NBAS: variants seen among roughly 807,000 people sequenced by gnomAD.
The protein encoded by NBAS is NBAS subunit of NRZ tethering complex.
In NBAS, 219 loss-of-function variants were observed where a neutral mutation model predicts 302.5. The ratio of observed to expected loss-of-function variants is 0.72; its 90% CI spans 0.65 to 0.81. The LOEUF is 0.81. Ranked by LOEUF, NBAS falls within the 30% of genes least tolerant of loss-of-function variation. The pLI, the probability that NBAS is intolerant of heterozygous loss-of-function variation, is 0.00. For missense variants in NBAS, 2,932 were observed against 2,841.6 expected (o/e 1.03, Z -0.72); for synonymous variants, 1,118 against 1,021.6 (o/e 1.09, Z -1.80).
chr2:15,204,939 C>T (rs1666069537), intron 48 of NBAS, among the ~76,000 whole-genome samples: 1 of 152,044 alleles, frequency 6.6e-6, no homozygotes, highest in Admixed American at 6.6e-5. Flanking sequence ...AGCACACCAA[C>T]ATGGCACAGG....
the NBAS span, among the ~76,000 whole-genome samples, chr2:15,138,644 T>TGGAGTCCA: frequency 6.6e-6 from 1 of 151,968 alleles, no homozygotes; most frequent in Non-Finnish European, 1.5e-5. Flanking sequence ...GACCTCAGAA[T>TGGAGTCCA]GGAGTCCACA....
chr2:15,028,629 C>G, the NBAS span, among the ~76,000 whole-genome samples: 1 of 152,176 alleles, frequency 6.6e-6, no homozygotes, highest in Admixed American at 6.5e-5. Flanking sequence ...TCATCTTGCT[C>G]TCTAAGCTAC....
At chr2:14,960,497 G>A in the NBAS span, among the ~76,000 whole-genome samples, 8 of 152,174 alleles carry the variant, frequency 5.3e-5, no homozygotes, top group South Asian at 2.1e-4. Context: ...TCACAATATC[G>A]CTGTGAGACA....
chr2:14,868,729 A>C, the NBAS span, among the ~76,000 whole-genome samples: 1 of 152,234 alleles, frequency 6.6e-6, no homozygotes, highest in East Asian at 1.9e-4. Flanking sequence ...TTGTGTAATC[A>C]ATCTATATGG....
the NBAS span, among the ~76,000 whole-genome samples, chr2:14,802,522 A>C: frequency 6.6e-6 from 1 of 152,100 alleles, no homozygotes; most frequent in Non-Finnish European, 1.5e-5. Context: ...TTTTGGTTCC[A>C]TATGAACTGT....
intron 12 of NBAS, among the ~76,000 whole-genome samples, chr2:15,481,210 T>C (rs912828503): frequency 1.3e-5 from 2 of 152,244 alleles, no homozygotes; most frequent in Non-Finnish European, 2.9e-5. Flanking sequence ...TACCACAGTT[T>C]GTTTCTCCAT....
At chr2:15,119,146 T>C in the NBAS span, among the ~76,000 whole-genome samples, 3 of 152,134 alleles carry the variant, frequency 2.0e-5, no homozygotes, top group African/African-American at 7.2e-5. Flanking sequence ...TCTGTGTCTC[T>C]AGGCAAGCCC....
chr2:15,483,437 A>C, intron 12 of NBAS: 1 of 336,302 alleles, frequency 3.0e-6, no homozygotes, highest in African/African-American at 2.2e-5. Flanking sequence ...TCTAGGCCTG[A>C]AGAAGTACAA....
At chr2:14,862,224 C>T in the NBAS span, among the ~76,000 whole-genome samples, 1 of 151,904 alleles carries the variant, frequency 6.6e-6, no homozygotes. Context: ...CTGCAATCTC[C>T]ACCTCCCGGG....
In NBAS at chr2:15,417,712, C is replaced by T; in HGVS notation, c.2578G>A (p.Val860Met). 1 of 1,613,380 alleles carries T rather than the reference C, an allele frequency of 6.2e-7. No homozygotes were observed. The highest frequency in any genetic ancestry group is 8.5e-7 in the Non-Finnish European group (1 of 1,179,636). The change falls in exon 24 of 52, where the codon GTG becomes ATG. Residue 860 changes from valine to methionine, a missense_variant and splice_region_variant. Transcript: ENST00000281513. ...CGAATAAGTGACAATGCACAGTCCA[C>T]CTAAAATTGAAAAGCAACAATAAGT... ...AEEIEHYARQ[V>M]DCALSLIRLG...
At chr2:15,217,908 ATAAT>A (rs1280958572) in intron 48 of NBAS, among the ~76,000 whole-genome samples, 2 of 152,240 alleles carry the variant, frequency 1.3e-5, no homozygotes, top group African/African-American at 2.4e-5. Context: ...ATAATTATAA[ATAAT>A]TAAGGCTCAA....
At chr2:15,005,144 C>A in the NBAS span, among the ~76,000 whole-genome samples, 20 of 152,250 alleles carry the variant, frequency 1.3e-4, no homozygotes, top group South Asian at 1.2e-3. Context: ...GAATACTTAA[C>A]ACAAAACCTA....
At chr2:15,320,926 C>T (rs950989129) in intron 38 of NBAS, among the ~76,000 whole-genome samples, 6 of 152,098 alleles carry the variant, frequency 3.9e-5, no homozygotes, top group South Asian at 2.1e-4. Context: ...AAAAAGAGCC[C>T]GCATTGCCAA....
the NBAS span, among the ~76,000 whole-genome samples, chr2:15,037,331 C>T: frequency 2.6e-5 from 4 of 152,060 alleles, no homozygotes; most frequent in African/African-American, 9.7e-5. Flanking sequence ...TGGAAACTCC[C>T]CATCACATCC....
intron 44 of NBAS, among the ~76,000 whole-genome samples, chr2:15,252,816 C>G (rs1018874855): frequency 6.6e-6 from 1 of 151,964 alleles, no homozygotes; most frequent in South Asian, 2.1e-4. Context: ...ACAGAGGATA[C>G]AAAGGTAAAT....
chr2:15,211,217 C>G (rs901753443), intron 48 of NBAS, among the ~76,000 whole-genome samples: 1 of 152,020 alleles, frequency 6.6e-6, no homozygotes, highest in Admixed American at 6.6e-5. Context: ...ATGCCTGTAT[C>G]AAGATATCTC....
chr2:15,002,580 C>T, the NBAS span, among the ~76,000 whole-genome samples: 1 of 152,180 alleles, frequency 6.6e-6, no homozygotes, highest in Non-Finnish European at 1.5e-5. Context: ...TGCTGTGGAG[C>T]AGGGGGTGGC....
chr2:15,367,824 C>G (rs1355347178), intron 31 of NBAS, among the ~76,000 whole-genome samples: 1 of 152,018 alleles, frequency 6.6e-6, no homozygotes, highest in Non-Finnish European at 1.5e-5. Context: ...ATGTTGAACT[C>G]AAAAAAGGTT....
intron 44 of NBAS, among the ~76,000 whole-genome samples, chr2:15,253,690 A>C (rs1668458838): frequency 6.6e-6 from 1 of 152,190 alleles, no homozygotes; most frequent in South Asian, 2.1e-4. Flanking sequence ...CAACTAACAC[A>C]AGAAAGGCAT....
Sources: gnomAD v4.1 joint callset for allele counts (sites outside exome capture counted in the v4.1 genomes callset) on GRCh38, gnomAD v4.1.1 for gene constraint, MANE v1.5 for transcripts, NCBI Gene and HGNC (gene_info 2026-07-23, HGNC 2026-07-21) for gene names.